The following MYLIP variants were observed in gnomAD, a reference collection of about 807,000 sequenced individuals.
MYLIP encodes myosin regulatory light chain interacting protein, also known as E3 ubiquitin-protein ligase MYLIP.
A neutral mutation model predicts 45.8 loss-of-function variants in MYLIP; 26 were observed. The ratio of observed to expected loss-of-function variants is 0.57; its 90% CI spans 0.42 to 0.79. MYLIP has a LOEUF of 0.79. Ranked by LOEUF, MYLIP falls within the 30% of genes least tolerant of loss-of-function variation. MYLIP has a pLI of 0.00. For synonymous variants in MYLIP, 213 were observed against 218.1 expected, an observed-to-expected ratio of 0.98 and a Z score of 0.21; for missense variants, 494 against 555.6, an observed-to-expected ratio of 0.89 and a Z score of 1.11.
chr6:16,147,043 T>C lies in MYLIP; in HGVS notation c.*292T>C, dbSNP rs1759807818. 1 of 235,620 alleles carries C rather than the reference T, an allele frequency of 4.2e-6. No individual in the cohort carries two copies. The highest frequency in any genetic ancestry group is 7.7e-5 in the East Asian group (1 of 13,006). 14.6% of individuals were successfully genotyped at this position (235,620 alleles called of 1,614,324 possible). On this transcript the variant is annotated 3_prime_UTR_variant, in exon 7 of 7. Coordinates refer to ENST00000356840, the MANE Select transcript of MYLIP (RefSeq NM_013262.4). ...AAAGGAATAGGTAAAGTCTTTGATG[T>C]CAGTGAAGTGGCAACATAGCCAAAA...
intron 2 of MYLIP, among the ~76,000 whole-genome samples, chr6:16,141,081 A>G (rs149243474): frequency 4.6e-5 from 7 of 152,330 alleles, no homozygotes; most frequent in Non-Finnish European, 7.3e-5. Context: ...CTTGGGAAAG[A>G]ATATATGGAG....
chr6:16,153,279 C>T, the MYLIP span, among the ~76,000 whole-genome samples: 4 of 152,128 alleles, frequency 2.6e-5, no homozygotes, highest in African/African-American at 2.4e-5. Flanking sequence ...ATGAAGAAAA[C>T]GGTAGGATAA....
chr6:16,134,191 G>A (rs1428144307), intron 2 of MYLIP, among the ~76,000 whole-genome samples: 1 of 152,124 alleles, frequency 6.6e-6, no homozygotes, highest in Non-Finnish European at 1.5e-5. Flanking sequence ...TAAACAGGGA[G>A]CTTATCAACA....
chr6:16,148,376 G>A (rs112847490), downstream of MYLIP: 17 of 149,664 alleles, frequency 1.1e-4, no homozygotes, highest in South Asian at 1.7e-3. Flanking sequence ...TAATAATTTC[G>A]GTGCTCTACA....
At chr6:16,154,596 C>T in the MYLIP span, among the ~76,000 whole-genome samples, 4 of 152,136 alleles carry the variant, frequency 2.6e-5, no homozygotes, top group Admixed American at 6.5e-5. Flanking sequence ...ACACATGGCC[C>T]GGGATGCTCC....
chr6:16,155,875 C>A, the MYLIP span, among the ~76,000 whole-genome samples: 1 of 150,204 alleles, frequency 6.7e-6, no homozygotes, highest in South Asian at 2.1e-4. Flanking sequence ...TTGCTTTCCA[C>A]CAGCAAGGGT....
At position 16,148,124 on chromosome 6, in the gene MYLIP, G is replaced by A. The variant is rs1221830448; in HGVS notation, c.*1373G>A. 6.6e-6 allele frequency: 1 copy of A among 152,468 alleles called. No individual in the cohort carries two copies. The highest frequency in any genetic ancestry group is 1.5e-5 in the Non-Finnish European group (1 of 68,014). 9.4% of individuals were successfully genotyped at this position (152,468 alleles called of 1,614,324 possible). ...TTTTATGGCACATATTAGCATATAA[G>A]CCTTTATTCCAAGAGGTATTTATTT... On this transcript the variant is annotated 3_prime_UTR_variant, in exon 7 of 7. Transcript: ENST00000356840.
At chr6:16,142,983 T>G (rs1581607152) in intron 3 of MYLIP, 37 bp from the exon 4 acceptor site, 1 of 1,582,584 alleles carries the variant, frequency 6.3e-7, no homozygotes, top group Non-Finnish European at 8.6e-7. Context: ...AGCTAATATC[T>G]GTATACTTAA....
chr6:16,143,774 G>T lies in MYLIP; in HGVS notation c.738G>T (p.Gly246=), dbSNP rs549317876. The change falls in exon 5 of 7, where the codon GGG becomes GGT. Residue 246 remains glycine (G), a synonymous_variant. Transcript: ENST00000356840. The part of the protein sequence containing the change: ...NVYLTVTKES[G]NSIVLLFKMI... ...ATTTGACGGTCACCAAGGAATCTGG[G>T]AACAGCATCGTGCTCTTGTTTAAAA... 6.2e-7 allele frequency: 1 copy of T among 1,613,924 alleles called. No homozygotes were observed. Among genetic ancestry groups the T allele is most frequent in the Non-Finnish European group, 8.5e-7 (1 of 1,179,994 alleles).
rs1420010743 is a variant in MYLIP, at chr6:16,129,709, A to G, written c.87+300A>G. Among the ~76,000 whole-genome samples, 1 of 152,178 alleles carries G rather than the reference A, an allele frequency of 6.6e-6. No individual in the cohort carries two copies. Among genetic ancestry groups the G allele is most frequent in the Admixed American group, 6.5e-5 (1 of 15,282 alleles). ...CCCCCCAACCCAGCACTTTCCCGGAAGAAGGCGGCTCCGCACACCTGCCGC... is the reference window on the plus strand; with the variant it reads ...CCCCCCAACCCAGCACTTTCCCGGAGGAAGGCGGCTCCGCACACCTGCCGC... On this transcript the variant is annotated intron_variant, in intron 1 of 6. Coordinates refer to ENST00000356840, the MANE Select transcript of MYLIP (RefSeq NM_013262.4). This position sits in a 1 kb window ranked among gnomAD's most constrained non-coding sequence, Gnocchi z 5.1.
the MYLIP span, among the ~76,000 whole-genome samples, chr6:16,154,109 C>T: frequency 6.6e-6 from 1 of 152,118 alleles, no homozygotes; most frequent in Non-Finnish European, 1.5e-5. Context: ...CTTCATATCA[C>T]CTCTATGTTT....
Position 16,130,566 on chromosome 6 carries a change from C to T in MYLIP, c.97C>T (p.Arg33Ter), listed in dbSNP as rs886305366. 9.3e-6 allele frequency: 15 copies of T among 1,613,888 alleles called. No individual in the cohort carries two copies. Among genetic ancestry groups the T allele is most frequent in the Non-Finnish European group, 1.1e-5 (13 of 1,179,884 alleles). ...TTCCTTTTTGTTTTAGGTGTGCAGG[C>T]GACTGGGAATCATAGAAGTTGACTA... Reference protein sequence around the residue: ...GEDCLNQVCRRLGIIEVDYFG... With the variant: ...GEDCLNQVCR The change falls in exon 2 of 7, where the codon CGA (arginine) becomes TGA (stop). Residue 33 changes from arginine to a stop codon, truncating the protein, a stop_gained. Coordinates refer to ENST00000356840, the MANE Select transcript of MYLIP (RefSeq NM_013262.4). LOFTEE classifies it high-confidence loss of function.
the MYLIP span, among the ~76,000 whole-genome samples, chr6:16,162,603 G>A: frequency 2.0e-5 from 3 of 151,794 alleles, no homozygotes; most frequent in Non-Finnish European, 2.9e-5. Flanking sequence ...TCTCTCAATG[G>A]CATATATATG....
intron 2 of MYLIP, among the ~76,000 whole-genome samples, chr6:16,136,309 G>T (rs1452496641): frequency 6.7e-6 from 1 of 149,346 alleles, no homozygotes; most frequent in Non-Finnish European, 1.5e-5. Flanking sequence ...ATGCCTGTGC[G>T]GCCTTATCTA....
intron 2 of MYLIP, among the ~76,000 whole-genome samples, chr6:16,131,981 CT>C (rs1279346916): frequency 6.6e-6 from 1 of 152,118 alleles, no homozygotes; most frequent in Admixed American, 6.5e-5. Context: ...TCAGAATAGA[CT>C]TTTTAAAATT....
At position 16,129,403 on chromosome 6, in the gene MYLIP, C is replaced by T. The variant is rs772142496; in HGVS notation, c.81C>T (p.Leu27=). 9 of 1,586,812 alleles carry T rather than the reference C, an allele frequency of 5.7e-6. No individual in the cohort carries two copies. Among genetic ancestry groups the T allele is most frequent in the Non-Finnish European group, 6.9e-6 (8 of 1,167,070 alleles). Residue 27 remains leucine, a synonymous_variant, in exon 1 of 7, where the codon CTC becomes CTT. Coordinates refer to ENST00000356840, the MANE Select transcript of MYLIP (RefSeq NM_013262.4). The surrounding 1 kb of genome is among the most constrained non-coding windows in gnomAD (Gnocchi z 5.1). The part of the protein sequence containing the change: ...VEAKANGEDC[L]NQVCRRLGII... ...CGAAAGCCAACGGCGAGGACTGCCT[C>T]AACCAGGTGAGGGCGAGGGGCAAGA... is the stretch of plus-strand genomic sequence containing the variant.
At chr6:16,159,111 A>G in the MYLIP span, among the ~76,000 whole-genome samples, 4 of 152,204 alleles carry the variant, frequency 2.6e-5, no homozygotes, top group African/African-American at 9.6e-5. Flanking sequence ...TCCTGAGGCT[A>G]TGTTTACAGC....
the MYLIP span, among the ~76,000 whole-genome samples, chr6:16,157,998 C>G: frequency 6.6e-6 from 1 of 152,204 alleles, no homozygotes; most frequent in Non-Finnish European, 1.5e-5. Flanking sequence ...AAGTCATGCT[C>G]CCATGACTAC....
the MYLIP span, among the ~76,000 whole-genome samples, chr6:16,155,909 C>A: frequency 1.3e-5 from 2 of 151,758 alleles, no homozygotes; most frequent in African/African-American, 2.4e-5. Context: ...GACAGCCTTT[C>A]TTTTCTGCAC....
Sources: gnomAD v4.1 joint callset for allele counts (sites outside exome capture counted in the v4.1 genomes callset) on GRCh38, gnomAD v4.1.1 for gene constraint, Gnocchi (gnomAD v3.1) non-coding constraint, MANE v1.5 for transcripts, NCBI Gene and HGNC (gene_info 2026-07-23, HGNC 2026-07-21) for gene names.